SDK1: variants seen among roughly 807,000 people sequenced by gnomAD.
SDK1 encodes protein sidekick-1.
SDK1 carries 157 observed loss-of-function variants against 245.5 expected under a neutral mutation model. The observed-to-expected ratio is 0.64, with a 90% CI of 0.56 to 0.73. The LOEUF is 0.73. Among genes scored for constraint, SDK1 ranks in the 30% least tolerant of loss-of-function variants. The pLI is 0.00. For missense variants in SDK1, 3,583 were observed against 3,002.3 expected (o/e 1.19, Z -4.52); for synonymous variants, 1,647 against 1,278.5 (o/e 1.29, Z -6.15).
At chr7:3,683,697 C>T (rs1784183371) in intron 4 of SDK1, among the ~76,000 whole-genome samples, 1 of 152,194 alleles carries the variant, frequency 6.6e-6, no homozygotes, top group South Asian at 2.1e-4. Flanking sequence ...GCCTGGGGAC[C>T]TTGGGACTTG....
chr7:3,538,330 A>C (rs1200731185), intron 1 of SDK1, among the ~76,000 whole-genome samples: 1 of 152,188 alleles, frequency 6.6e-6, no homozygotes, highest in East Asian at 1.9e-4. Flanking sequence ...CTTTAAAAGA[A>C]AATCCTGTGC....
At chr7:3,766,443 C>CACCA (rs1348661291) in intron 4 of SDK1, among the ~76,000 whole-genome samples, 1 of 152,210 alleles carries the variant, frequency 6.6e-6, no homozygotes, top group Non-Finnish European at 1.5e-5. Flanking sequence ...AGCTCCCCTA[C>CACCA]ACCAGTCACT....
At chr7:3,301,972 C>T in intron 1 of SDK1, 88 bp downstream of exon 1, 1 of 977,186 alleles carries the variant, frequency 1.0e-6, no homozygotes, top group Non-Finnish European at 1.2e-6. Flanking sequence ...CCGGGGTCCC[C>T]CCGCTTCCCG....
At chr7:3,677,587 G>T (rs1477821070) in intron 4 of SDK1, among the ~76,000 whole-genome samples, 1 of 152,186 alleles carries the variant, frequency 6.6e-6, no homozygotes, top group Admixed American at 6.5e-5. Flanking sequence ...TCTCCACCTG[G>T]CCCTGCCCTT....
chr7:3,825,005 C>T (rs143467986), intron 5 of SDK1, among the ~76,000 whole-genome samples: 118 of 152,216 alleles, frequency 7.8e-4, no homozygotes, highest in African/African-American at 2.4e-3. Flanking sequence ...GAGCTTGCTG[C>T]CATCCCAGGG....
intron 2 of SDK1, among the ~76,000 whole-genome samples, chr7:3,625,777 G>C (rs1429947183): frequency 6.6e-6 from 1 of 151,834 alleles, no homozygotes; most frequent in Non-Finnish European, 1.5e-5. Flanking sequence ...TGTGGTGCCA[G>C]AGAATCCCCA....
intron 5 of SDK1, among the ~76,000 whole-genome samples, chr7:3,884,415 T>C (rs1213562241): frequency 6.6e-6 from 1 of 152,194 alleles, no homozygotes; most frequent in Non-Finnish European, 1.5e-5. Flanking sequence ...TTTGATACTG[T>C]TGGTTTGTGA....
intron 22 of SDK1, among the ~76,000 whole-genome samples, chr7:4,088,841 T>C (rs1336132511): frequency 2.0e-5 from 3 of 152,246 alleles, no homozygotes; most frequent in Non-Finnish European, 4.4e-5. Context: ...CCAGTTTTCA[T>C]AAACACAGTT....
chr7:3,742,650 CT>C (rs1386279025), intron 4 of SDK1, among the ~76,000 whole-genome samples: 1 of 152,178 alleles, frequency 6.6e-6, no homozygotes, highest in African/African-American at 2.4e-5. Flanking sequence ...CACAGCCATT[CT>C]TATGAAGTCC....
intron 2 of SDK1, among the ~76,000 whole-genome samples, chr7:3,625,946 T>C (rs1032764262): frequency 4.1e-5 from 6 of 148,142 alleles, no homozygotes; most frequent in East Asian, 1.9e-4. Flanking sequence ...TTCTTTCTTT[T>C]TTTTTTTTTT....
intron 12 of SDK1, among the ~76,000 whole-genome samples, chr7:3,973,648 C>T (rs1282313928): frequency 2.0e-5 from 3 of 152,074 alleles, no homozygotes; most frequent in South Asian, 2.1e-4. Flanking sequence ...GTCCAGACAA[C>T]ACTCTTGTCC....
chr7:3,531,885 G>T (rs1456981013), intron 1 of SDK1, among the ~76,000 whole-genome samples: 4 of 152,152 alleles, frequency 2.6e-5, no homozygotes, highest in Non-Finnish European at 5.9e-5. Flanking sequence ...AATTAAGTAG[G>T]CTTTTGTTTT....
At chr7:3,570,395 G>C (rs1204653582) in intron 1 of SDK1, among the ~76,000 whole-genome samples, 3 of 152,282 alleles carry the variant, frequency 2.0e-5, no homozygotes, top group African/African-American at 7.2e-5. Context: ...TGCTCAGGCA[G>C]TAATGCTTGC....
chr7:3,547,349 A>G (rs113499370), intron 1 of SDK1, among the ~76,000 whole-genome samples: 2,184 of 152,334 alleles, frequency 0.014, 41 homozygotes, highest in African/African-American at 0.042. Flanking sequence ...AATAAAAATT[A>G]ACAATAAAAT....
At chr7:3,887,392 G>A (rs183598577) in intron 5 of SDK1, among the ~76,000 whole-genome samples, 5 of 152,314 alleles carry the variant, frequency 3.3e-5, no homozygotes, top group African/African-American at 1.2e-4. Flanking sequence ...AACAGGCAGG[G>A]GAGGAACCGT....
intron 2 of SDK1, among the ~76,000 whole-genome samples, chr7:3,621,703 C>G: frequency 6.6e-6 from 1 of 152,294 alleles, no homozygotes; most frequent in East Asian, 1.9e-4. Context: ...GGAGAAAGCG[C>G]ACCTGTACCT....
At chr7:4,027,156 G>A (rs1276505251) in intron 17 of SDK1, among the ~76,000 whole-genome samples, 1 of 152,168 alleles carries the variant, frequency 6.6e-6, no homozygotes, top group Non-Finnish European at 1.5e-5. Context: ...GCCAGCAAGT[G>A]GTCCCTGAAT....
rs1471784637 is a variant in SDK1, at chr7:3,632,775, G to C, written c.459-6229G>C. Among the ~76,000 whole-genome samples the C allele has an allele frequency of 2.6e-5, 4 of 152,098 alleles. No individual in the cohort carries two copies. The East Asian group carries it at 7.7e-4, about 29-fold the overall frequency. ...TGCCTGATGCCTAGGGCCTATTAGTGAGCTGTATACACCATCAAAGTCACA... is the reference window on the plus strand; with the variant it reads ...TGCCTGATGCCTAGGGCCTATTAGTCAGCTGTATACACCATCAAAGTCACA... On this transcript the variant is annotated intron_variant, in intron 2 of 44. Coordinates refer to ENST00000404826, the MANE Select transcript of SDK1 (RefSeq NM_152744.4).
At position 3,923,570 on chromosome 7, in the gene SDK1, A is replaced by G. The variant is rs145049227; in HGVS notation, c.848-27353A>G. Among the ~76,000 whole-genome samples the G allele has an allele frequency of 1.4e-4, 21 of 152,308 alleles. No individual in the cohort carries two copies. The East Asian group carries it at 4.1e-3, about 29-fold the overall frequency. Reference sequence around the variant, plus strand: ...TGCCAGAAATGCCCGGTCCAGAGGCACCAGCTCAGAAACTCTGGTATGGGG... The same window carrying G: ...TGCCAGAAATGCCCGGTCCAGAGGCGCCAGCTCAGAAACTCTGGTATGGGG... On this transcript the variant is annotated intron_variant, in intron 5 of 44. Coordinates refer to ENST00000404826, the MANE Select transcript of SDK1 (RefSeq NM_152744.4).
Sources: gnomAD v4.1 joint callset for allele counts (sites outside exome capture counted in the v4.1 genomes callset) on GRCh38, gnomAD v4.1.1 for gene constraint, MANE v1.5 for transcripts, NCBI Gene and HGNC (gene_info 2026-07-23, HGNC 2026-07-21) for gene names.